KRABD5: variants seen among roughly 807,000 people sequenced by gnomAD.
KRABD5 encodes KRAB domain-containing protein 5.
the KRABD5 span, among the ~76,000 whole-genome samples, chr16:31,717,041 G>T: frequency 1.5e-5 from 2 of 133,164 alleles, no homozygotes; most frequent in South Asian, 4.7e-4. Context: ...GTGTTGCCCA[G>T]GCTGGAGTGC....
At chr16:31,718,420 T>C in the KRABD5 span, among the ~76,000 whole-genome samples, 1 of 152,186 alleles carries the variant, frequency 6.6e-6, no homozygotes, top group Non-Finnish European at 1.5e-5. Context: ...ACATAGACCT[T>C]GTAAAGCCCT....
At chr16:31,760,495 T>A in the KRABD5 span, 1 of 126,350 alleles carries the variant, frequency 7.9e-6, no homozygotes, top group South Asian at 3.0e-4. Flanking sequence ...CATGTGACTG[T>A]AATGTGGAGC....
chr16:31,746,392 A>G, the KRABD5 span, among the ~76,000 whole-genome samples: 1 of 152,218 alleles, frequency 6.6e-6, no homozygotes, highest in Non-Finnish European at 1.5e-5. Flanking sequence ...TTGGCTGGAT[A>G]TGAAATTCTG....
At chr16:31,754,515 A>G in the KRABD5 span, 29 of 609,576 alleles carry the variant, frequency 4.8e-5, no homozygotes, top group Non-Finnish European at 8.0e-5. Context: ...CCCAGAAGAC[A>G]TCAGAAAACT....
the KRABD5 span, among the ~76,000 whole-genome samples, chr16:31,726,623 T>C: frequency 6.6e-6 from 1 of 152,054 alleles, no homozygotes; most frequent in African/African-American, 2.4e-5. Flanking sequence ...TAGCCAGGTG[T>C]GGTGGTGCAT....
the KRABD5 span, among the ~76,000 whole-genome samples, chr16:31,751,637 T>TGTGCTTA: frequency 6.6e-6 from 1 of 152,220 alleles, no homozygotes; most frequent in African/African-American, 2.4e-5. Context: ...TGTTTCTGAT[T>TGTGCTTA]GTGCTTATCT....
the KRABD5 span, chr16:31,753,732 A>G: frequency 7.6e-6 from 11 of 1,441,268 alleles, no homozygotes; most frequent in Non-Finnish European, 1.0e-5. Context: ...TGAATTTAGT[A>G]ATTGGAATTT....
chr16:31,714,201 T>A, the KRABD5 span, among the ~76,000 whole-genome samples: 1 of 152,196 alleles, frequency 6.6e-6, no homozygotes, highest in Non-Finnish European at 1.5e-5. Flanking sequence ...TGTTCACATA[T>A]ACTAAATGAT....
At chr16:31,750,341 G>C in the KRABD5 span, among the ~76,000 whole-genome samples, 1 of 152,082 alleles carries the variant, frequency 6.6e-6, no homozygotes, top group Non-Finnish European at 1.5e-5. Flanking sequence ...CACTCAGCTT[G>C]CATGTTATTG....
chr16:31,753,205 G>T, the KRABD5 span, among the ~76,000 whole-genome samples: 5 of 152,030 alleles, frequency 3.3e-5, no homozygotes, highest in Non-Finnish European at 5.9e-5. Flanking sequence ...CTATTAAAAA[G>T]GTTTGCTTTT....
chr16:31,756,801 TG>T, the KRABD5 span: 1 of 152,142 alleles, frequency 6.6e-6, no homozygotes, highest in Non-Finnish European at 1.5e-5. Context: ...TTGCATTAAA[TG>T]GAATATACAG....
the KRABD5 span, among the ~76,000 whole-genome samples, chr16:31,731,331 G>T: frequency 6.6e-6 from 1 of 151,020 alleles, no homozygotes; most frequent in Non-Finnish European, 1.5e-5. Flanking sequence ...GGCATAGATA[G>T]TCATGGATCC....
At chr16:31,753,860 C>T in the KRABD5 span, 9 of 1,551,060 alleles carry the variant, frequency 5.8e-6, no homozygotes, top group South Asian at 1.2e-5. Flanking sequence ...GGAGCTGTGG[C>T]CCTCAGAATT....
the KRABD5 span, among the ~76,000 whole-genome samples, chr16:31,737,715 A>G: frequency 3.3e-5 from 5 of 152,112 alleles, no homozygotes; most frequent in Non-Finnish European, 5.9e-5. Context: ...TACAATAGCT[A>G]TGTAGTATAT....
chr16:31,738,582 T>C, the KRABD5 span, among the ~76,000 whole-genome samples: 8 of 152,152 alleles, frequency 5.3e-5, no homozygotes, highest in Non-Finnish European at 1.2e-4. Context: ...AGATCTAAAG[T>C]TGGTTTTCCC....
chr16:31,749,102 C>T, the KRABD5 span, among the ~76,000 whole-genome samples: 1 of 152,224 alleles, frequency 6.6e-6, no homozygotes, highest in South Asian at 2.1e-4. Context: ...TGTCACCCCT[C>T]TCGCTAGGGG....
At chr16:31,713,502 T>C in the KRABD5 span, 1 of 1,563,054 alleles carries the variant, frequency 6.4e-7, no homozygotes, top group East Asian at 2.4e-5. Context: ...GGGAACCCTC[T>C]TTGAGGTTAG....
the KRABD5 span, among the ~76,000 whole-genome samples, chr16:31,714,163 T>C: frequency 6.6e-6 from 1 of 152,204 alleles, no homozygotes; most frequent in Admixed American, 6.5e-5. Context: ...CCAAATGTTA[T>C]GAGACAGGAC....
chr16:31,738,954 A>T, the KRABD5 span, among the ~76,000 whole-genome samples: 1 of 152,278 alleles, frequency 6.6e-6, no homozygotes, highest in East Asian at 1.9e-4. Context: ...CCTCTTTATG[A>T]ACTCTCCATT....
Sources: allele counts gnomAD v4.1 joint callset (sites outside exome capture counted in the v4.1 genomes callset), GRCh38; gene constraint gnomAD v4.1.1; transcripts MANE v1.5; gene names NCBI Gene and HGNC (gene_info 2026-07-23, HGNC 2026-07-21).